Variants in ADORA2B observed in about 807,000 individuals in gnomAD.
ADORA2B encodes adenosine receptor A2b.
In ADORA2B, 18 loss-of-function variants were observed where a neutral mutation model predicts 20.8. The observed-to-expected ratio is 0.87, with a 90% CI of 0.60 to 1.29. ADORA2B has a LOEUF of 1.29. Ranked by LOEUF, ADORA2B falls within the 50% of genes most tolerant of loss-of-function variation. The pLI is 0.00. For missense variants in ADORA2B, 441 were observed against 422.7 expected (o/e 1.04, Z -0.38); for synonymous variants, 179 against 178.3 (o/e 1.00, Z -0.03).
chr17:15,875,397 C>T, the ADORA2B span, among the ~76,000 whole-genome samples: 1 of 152,094 alleles, frequency 6.6e-6, no homozygotes, highest in East Asian at 1.9e-4. Flanking sequence ...CTTTTCAGCC[C>T]CCAGCCTCCG....
At chr17:15,969,162 T>C (rs921332155) in intron 1 of ADORA2B, among the ~76,000 whole-genome samples, 2 of 152,006 alleles carry the variant, frequency 1.3e-5, no homozygotes, top group Non-Finnish European at 2.9e-5. Context: ...TAATAATCTG[T>C]CCCTTTGGCC....
intron 1 of ADORA2B, chr17:15,973,881 T>G (rs187318810): frequency 6.6e-6 from 1 of 152,344 alleles, no homozygotes; most frequent in Admixed American, 6.5e-5. Flanking sequence ...AAAGCCAATT[T>G]TACCACAGTT....
chr17:15,897,561 C>T, the ADORA2B span, among the ~76,000 whole-genome samples: 1 of 152,082 alleles, frequency 6.6e-6, no homozygotes, highest in South Asian at 2.1e-4. Flanking sequence ...GAGTGAGACT[C>T]TGTCTCAAAA....
At chr17:15,901,480 A>G in the ADORA2B span, among the ~76,000 whole-genome samples, 1 of 152,182 alleles carries the variant, frequency 6.6e-6, no homozygotes. Flanking sequence ...AGAAAAAAAA[A>G]AAAAGCTAAT....
the ADORA2B span, among the ~76,000 whole-genome samples, chr17:15,897,597 T>C: frequency 6.6e-6 from 1 of 152,028 alleles, no homozygotes; most frequent in Non-Finnish European, 1.5e-5. Flanking sequence ...CCCACAACTT[T>C]CTGCTAACCA....
At chr17:15,892,415 C>T in the ADORA2B span, among the ~76,000 whole-genome samples, 5 of 152,090 alleles carry the variant, frequency 3.3e-5, no homozygotes, top group South Asian at 1.0e-3. Context: ...GTGATCCACC[C>T]GCCTTGGCCT....
the ADORA2B span, among the ~76,000 whole-genome samples, chr17:15,856,114 G>T: frequency 2.0e-5 from 3 of 151,994 alleles, no homozygotes; most frequent in African/African-American, 7.3e-5. Flanking sequence ...GACTTGGTGG[G>T]ATGTGATGGG....
chr17:15,861,961 G>C, the ADORA2B span, among the ~76,000 whole-genome samples: 1 of 152,132 alleles, frequency 6.6e-6, no homozygotes, highest in Non-Finnish European at 1.5e-5. Flanking sequence ...CCACCTGCCA[G>C]AATGGCCCAG....
chr17:15,858,961 T>G, the ADORA2B span: 1 of 152,202 alleles, frequency 6.6e-6, no homozygotes, highest in African/African-American at 2.4e-5. Flanking sequence ...CACCTCTCAG[T>G]GTGCTTGTGC....
the ADORA2B span, among the ~76,000 whole-genome samples, chr17:15,930,149 G>T: frequency 6.6e-6 from 1 of 152,136 alleles, no homozygotes; most frequent in Non-Finnish European, 1.5e-5. Context: ...GGAAGAATCG[G>T]GGCTGTGGTG....
At chr17:15,967,920 G>C (rs555023761) in intron 1 of ADORA2B, among the ~76,000 whole-genome samples, 3 of 152,272 alleles carry the variant, frequency 2.0e-5, no homozygotes, top group African/African-American at 7.2e-5. Context: ...AGACTGACAG[G>C]CTGAATGGGG....
At chr17:15,928,321 G>A in the ADORA2B span, among the ~76,000 whole-genome samples, 64 of 152,188 alleles carry the variant, frequency 4.2e-4, no homozygotes, top group Middle Eastern at 6.8e-3. Flanking sequence ...GGAAAGGGAT[G>A]TGGGATTAGG....
the ADORA2B span, among the ~76,000 whole-genome samples, chr17:15,916,065 G>A: frequency 6.6e-6 from 1 of 152,188 alleles, no homozygotes; most frequent in Non-Finnish European, 1.5e-5. Context: ...GTCAGCAGTC[G>A]GCTGCCCTGG....
the ADORA2B span, among the ~76,000 whole-genome samples, chr17:15,873,629 A>G: frequency 6.6e-6 from 1 of 152,200 alleles, no homozygotes; most frequent in Non-Finnish European, 1.5e-5. Flanking sequence ...TGGCCAAGAA[A>G]CATGTGAAAA....
the ADORA2B span, among the ~76,000 whole-genome samples, chr17:15,928,201 C>T: frequency 1.3e-5 from 2 of 152,004 alleles, no homozygotes; most frequent in African/African-American, 2.4e-5. Flanking sequence ...TTTGGCAAGA[C>T]GTATGTTGCT....
chr17:15,896,083 C>A, the ADORA2B span, among the ~76,000 whole-genome samples: 3 of 152,132 alleles, frequency 2.0e-5, no homozygotes, highest in South Asian at 6.2e-4. Flanking sequence ...GAAAACCAGG[C>A]CAGAAGAGGT....
the ADORA2B span, among the ~76,000 whole-genome samples, chr17:15,926,202 C>T: frequency 4.6e-5 from 7 of 152,170 alleles, no homozygotes; most frequent in African/African-American, 1.2e-4. Context: ...CTCCTATGTG[C>T]CAGGCACCCT....
At chr17:15,932,569 G>A in the ADORA2B span, among the ~76,000 whole-genome samples, 4,431 of 151,124 alleles carry the variant, frequency 0.029, 215 homozygotes, top group African/African-American at 0.1. Context: ...TAAGATTTTT[G>A]TAGTTTTAGC....
chr17:15,865,140 G>C, the ADORA2B span, among the ~76,000 whole-genome samples: 1 of 152,346 alleles, frequency 6.6e-6, no homozygotes, highest in Non-Finnish European at 1.5e-5. Context: ...TTGTTTACTA[G>C]GACAGTATCT....
Sources: gnomAD v4.1 joint callset for allele counts (sites outside exome capture counted in the v4.1 genomes callset) on GRCh38, gnomAD v4.1.1 for gene constraint, MANE v1.5 for transcripts, NCBI Gene and HGNC (gene_info 2026-07-23, HGNC 2026-07-21) for gene names.